Variants in VPS50 observed in about 807,000 individuals in gnomAD.
VPS50 encodes the protein syndetin.
Under a neutral mutation model 139.7 loss-of-function variants are expected in VPS50, and 70 were observed. That is an observed-to-expected ratio of 0.50 (90% confidence interval 0.41 to 0.61). VPS50 has a LOEUF of 0.61. VPS50 is among the 20% of genes least tolerant of loss of function. The pLI is 0.00. For synonymous variants in VPS50, 365 were observed against 376.7 expected (o/e 0.97, Z 0.36); for missense variants, 921 against 1,133.7 (o/e 0.81, Z 2.69).
At chr7:93,263,056 T>C (rs960462479) in intron 9 of VPS50, among the ~76,000 whole-genome samples, 1 of 151,974 alleles carries the variant, frequency 6.6e-6, no homozygotes, top group Non-Finnish European at 1.5e-5. Flanking sequence ...TTTCTGTGCG[T>C]TTTTCTTTCT....
chr7:93,324,934 G>A (rs1461078135), intron 21 of VPS50, among the ~76,000 whole-genome samples: 1 of 151,962 alleles, frequency 6.6e-6, no homozygotes, highest in African/African-American at 2.4e-5. Flanking sequence ...TCACAGAATT[G>A]GAAAAAACTA....
At chr7:93,291,665 A>G (rs754124516) in intron 12 of VPS50, 38 bp from the exon 13 acceptor site, 8 of 1,141,902 alleles carry the variant, frequency 7.0e-6, no homozygotes, top group Middle Eastern at 2.1e-4. Flanking sequence ...TAGAGTAAAC[A>G]TAATAATTTG....
At chr7:93,319,436 A>T (rs1221478698) in intron 20 of VPS50, among the ~76,000 whole-genome samples, 7 of 152,162 alleles carry the variant, frequency 4.6e-5, no homozygotes, top group Admixed American at 4.6e-4. Flanking sequence ...GATGAGAAGT[A>T]AATGTTTGAA....
At chr7:93,341,370 C>T (rs1220415575) in intron 22 of VPS50, 57 bp from the exon 23 acceptor site, 40 of 1,169,360 alleles carry the variant, frequency 3.4e-5, no homozygotes, top group African/African-American at 8.0e-5. Flanking sequence ...GTCAAAATCA[C>T]GTGGTTTATT....
intron 21 of VPS50, among the ~76,000 whole-genome samples, chr7:93,324,801 A>T (rs1259974473): frequency 6.6e-6 from 1 of 152,198 alleles, no homozygotes; most frequent in East Asian, 1.9e-4. Flanking sequence ...AGAGGATACA[A>T]AGAAATGGAA....
At chr7:93,342,006 G>T (rs780229546) in intron 23 of VPS50, among the ~76,000 whole-genome samples, 1 of 152,200 alleles carries the variant, frequency 6.6e-6, no homozygotes, top group Non-Finnish European at 1.5e-5. Flanking sequence ...GCTCCAGTCT[G>T]CAGCTCCCAG....
intron 16 of VPS50, among the ~76,000 whole-genome samples, chr7:93,299,298 T>G (rs1277884696): frequency 1.3e-5 from 2 of 152,228 alleles, no homozygotes; most frequent in African/African-American, 4.8e-5. Flanking sequence ...ATGATACTAG[T>G]GTCCATACAT....
At position 93,358,578 on chromosome 7, in the gene VPS50, G is replaced by A. The variant is rs1798817448; in HGVS notation, c.*142G>A. 4.3e-6 allele frequency: 3 copies of A among 689,774 alleles called. No homozygotes were observed. The highest frequency in any genetic ancestry group is 7.5e-6 in the Non-Finnish European group (3 of 400,184). The allele number at this position is 689,774 out of a possible 1,614,324, so 42.7% of individuals were successfully genotyped here. A position where few individuals can be genotyped will look rare whatever the true frequency, so the allele number is the denominator to read the frequency against. On this transcript the variant is annotated 3_prime_UTR_variant, in exon 28 of 28. Coordinates refer to ENST00000305866, the MANE Select transcript of VPS50 (RefSeq NM_017667.4). The stretch of plus-strand genomic sequence containing the variant: ...TTTTGACTGGAAAGTGGAAAATATT[G>A]AAATGTGTGTGGTGTTCTCATGACT...
chr7:93,246,335 A>G (rs1795153849), intron 2 of VPS50, among the ~76,000 whole-genome samples: 1 of 151,884 alleles, frequency 6.6e-6, no homozygotes, highest in Non-Finnish European at 1.5e-5. Flanking sequence ...AATCAGCTAT[A>G]TAAGCACTAT....
At chr7:93,260,576 G>A (rs945294323) in intron 9 of VPS50, among the ~76,000 whole-genome samples, 3 of 150,964 alleles carry the variant, frequency 2.0e-5, no homozygotes, top group Non-Finnish European at 4.4e-5. Context: ...AGTCTTTGCT[G>A]GTTATAGGCT....
At chr7:93,330,719 A>T (rs1165774072) in intron 21 of VPS50, among the ~76,000 whole-genome samples, 1 of 125,980 alleles carries the variant, frequency 7.9e-6, no homozygotes, top group Non-Finnish European at 1.6e-5. Flanking sequence ...GCGCCACTGC[A>T]TTCCAGCCTG....
rs760456552 is a variant in VPS50, at chr7:93,308,965, G to C, written c.1748+23G>C. 6 of 1,217,036 alleles carry C rather than the reference G, an allele frequency of 4.9e-6. No individual in the cohort carries two copies. The East Asian group carries it at 1.4e-4, about 28-fold the overall frequency. 75.4% of individuals were successfully genotyped at this position (1,217,036 alleles called of 1,614,324 possible). A position where few individuals can be genotyped will look rare whatever the true frequency, so the allele number is the denominator to read the frequency against. On this transcript the variant is annotated intron_variant, in intron 19 of 27. Coordinates refer to ENST00000305866, the MANE Select transcript of VPS50 (RefSeq NM_017667.4). Reference sequence around the variant, plus strand: ...AAGGTGATTGTTCTTAAATTGTGTGGTATTTAGCATTTTATCTTGTGCTCT... The same window carrying C: ...AAGGTGATTGTTCTTAAATTGTGTGCTATTTAGCATTTTATCTTGTGCTCT...
chr7:93,258,480 A>G, intron 8 of VPS50, 88 bp downstream of exon 8: 1 of 957,170 alleles, frequency 1.0e-6, no homozygotes, highest in South Asian at 1.4e-5. Flanking sequence ...TTTTTCTCAA[A>G]TGGGTTTATG....
chr7:93,324,170 G>C (rs1797699821), intron 21 of VPS50, among the ~76,000 whole-genome samples: 1 of 152,200 alleles, frequency 6.6e-6, no homozygotes, highest in South Asian at 2.1e-4. Flanking sequence ...CTGAGACTTT[G>C]CTTAAGGATA....
At chr7:93,295,647 T>G (rs1244400168) in intron 14 of VPS50, among the ~76,000 whole-genome samples, 1 of 152,194 alleles carries the variant, frequency 6.6e-6, no homozygotes, top group Non-Finnish European at 1.5e-5. Context: ...TGTTATGGTC[T>G]TTTAAAATGT....
At chr7:93,318,868 A>G (rs1383471226) in intron 20 of VPS50, among the ~76,000 whole-genome samples, 4 of 152,154 alleles carry the variant, frequency 2.6e-5, no homozygotes, top group Non-Finnish European at 5.9e-5. Flanking sequence ...AGGAGTTTCA[A>G]TTTAAAATAA....
chr7:93,284,589 A>G (rs1796427660), intron 12 of VPS50, among the ~76,000 whole-genome samples: 1 of 152,226 alleles, frequency 6.6e-6, no homozygotes, highest in Non-Finnish European at 1.5e-5. Context: ...GTAGATGAGA[A>G]TGAGTGTTTT....
intron 13 of VPS50, among the ~76,000 whole-genome samples, chr7:93,292,629 A>G (rs1166600415): frequency 6.6e-6 from 1 of 152,114 alleles, no homozygotes; most frequent in Non-Finnish European, 1.5e-5. Context: ...TTACTTTAAT[A>G]AACTTCCAGT....
chr7:93,238,077 G>T (rs58930994), intron 1 of VPS50, among the ~76,000 whole-genome samples: 32,274 of 152,080 alleles, frequency 0.21, 5,203 homozygotes, highest in African/African-American at 0.43. Flanking sequence ...GGGTGGTCAT[G>T]ATTTTGAATC....
Sources: allele counts gnomAD v4.1 joint callset (sites outside exome capture counted in the v4.1 genomes callset), GRCh38; gene constraint gnomAD v4.1.1; transcripts MANE v1.5; gene names NCBI Gene and HGNC (gene_info 2026-07-23, HGNC 2026-07-21).